NRDE2: variants seen among roughly 807,000 people sequenced by gnomAD.
The protein encoded by NRDE2 is NRDE-2, necessary for RNA interference, domain containing, also known as nuclear exosome regulator NRDE2.
In NRDE2, 76 loss-of-function variants were observed where a neutral mutation model predicts 124.2. The observed-to-expected ratio is 0.61, with a 90% CI of 0.51 to 0.74. The LOEUF (loss-of-function observed/expected upper bound fraction) is 0.74. NRDE2 is among the 30% of genes least tolerant of loss of function. The pLI is 0.00. For synonymous variants in NRDE2, 489 were observed against 528.1 expected (o/e 0.93, Z 1.01); for missense variants, 1,314 against 1,417.3 (o/e 0.93, Z 1.17).
At chr14:90,323,492 G>A (rs755129577) in intron 1 of NRDE2, among the ~76,000 whole-genome samples, 3 of 152,120 alleles carry the variant, frequency 2.0e-5, no homozygotes, top group Non-Finnish European at 2.9e-5. Flanking sequence ...TCCTGAGATG[G>A]TAATTCAAAA....
intron 6 of NRDE2, among the ~76,000 whole-genome samples, chr14:90,302,031 C>T (rs1884422883): frequency 6.6e-6 from 1 of 152,184 alleles, no homozygotes; most frequent in African/African-American, 2.4e-5. Context: ...CAAATAAATG[C>T]CTGCTCTGTG....
intron 3 of NRDE2, among the ~76,000 whole-genome samples, chr14:90,313,703 T>C (rs937025284): frequency 6.6e-6 from 1 of 152,180 alleles, no homozygotes. Flanking sequence ...GGTGACAAAG[T>C]AGTCAAAACA....
intron 12 of NRDE2, among the ~76,000 whole-genome samples, chr14:90,281,788 C>T (rs1356630438): frequency 6.6e-6 from 1 of 152,120 alleles, no homozygotes; most frequent in East Asian, 1.9e-4. Context: ...CCAACCTTGT[C>T]CAAACAAAAA....
chr14:90,320,206 G>A (rs919210962), intron 1 of NRDE2, among the ~76,000 whole-genome samples: 3 of 152,316 alleles, frequency 2.0e-5, no homozygotes, highest in Admixed American at 1.3e-4. Flanking sequence ...ACCCAAGACT[G>A]GGTAATTTAT....
Position 90,302,995 on chromosome 14 carries a change from C to A in NRDE2, c.1136G>T (p.Ser379Ile). Residue 379 changes from serine (S) to isoleucine (I), a missense_variant, in exon 6 of 14, where the codon AGC becomes ATC. Physicochemically the swap from Ser to Ile is moderately radical, Grantham distance 142. Transcript: ENST00000354366. The stretch of plus-strand genomic sequence containing the variant: ...CTTGGCCAGTTTCAGATCCACACTG[C>A]TCTGGTTGCTCTCAATGGCCCGCTC... ...ILERAIESNQSSVDLKLAKLK... is the reference protein window; with the variant it reads ...ILERAIESNQISVDLKLAKLK... The A allele has an allele frequency of 6.2e-7, 1 of 1,614,076 alleles. No individual in the cohort carries two copies. The highest frequency in any genetic ancestry group is 8.5e-7 in the Non-Finnish European group (1 of 1,180,044).
At chr14:90,317,833 GA>G (rs3215873) in intron 2 of NRDE2, 171 bp downstream of exon 2, 781 of 485,430 alleles carry the variant, frequency 1.6e-3, no homozygotes, top group South Asian at 2.9e-3. Flanking sequence ...GCAAAGCAAA[GA>G]AAAAAAAAAG....
At chr14:90,300,286 G>A (rs1884345464) in intron 7 of NRDE2, among the ~76,000 whole-genome samples, 1 of 152,090 alleles carries the variant, frequency 6.6e-6, no homozygotes, top group Admixed American at 6.5e-5. Flanking sequence ...TCTGTTATAT[G>A]GTTTATTAAT....
In NRDE2 at chr14:90,268,079, G is replaced by A; in HGVS notation, c.*10257C>T. 3 of 614,264 alleles carry A rather than the reference G, an allele frequency of 4.9e-6. No homozygotes were observed. Among genetic ancestry groups the A allele is most frequent in the Non-Finnish European group, 8.4e-6 (3 of 359,140 alleles). The allele number at this position is 614,264 out of a possible 1,614,324, so 38.1% of individuals were successfully genotyped here. A position where few individuals can be genotyped will look rare whatever the true frequency, so the allele number is the denominator to read the frequency against. ...TCTTATCTACTTAGGAGAATGGAATGTCGTGACACTTGAATTGGTGCCATG... is the reference window on the plus strand; with the variant it reads ...TCTTATCTACTTAGGAGAATGGAATATCGTGACACTTGAATTGGTGCCATG... On this transcript the variant is annotated 3_prime_UTR_variant, in exon 14 of 14. Transcript: ENST00000354366.
At position 90,271,444 on chromosome 14, in the gene NRDE2, T is replaced by C. The variant is rs144293259; in HGVS notation, c.*6892A>G. 244 of 152,348 alleles carry C rather than the reference T, an allele frequency of 1.6e-3. No homozygotes were observed. Among genetic ancestry groups the C allele is most frequent in the African/African-American group, 5.7e-3 (236 of 41,584 alleles). 9.4% of individuals were successfully genotyped at this position (152,348 alleles called of 1,614,324 possible). A position where few individuals can be genotyped will look rare whatever the true frequency, so the allele number is the denominator to read the frequency against. Reference sequence around the variant, plus strand: ...ACCCATGTAACATGGGTTATTGTTTTCTTTTACTTTGGGCCAGTAATTACT... The same window carrying C: ...ACCCATGTAACATGGGTTATTGTTTCCTTTTACTTTGGGCCAGTAATTACT... On this transcript the variant is annotated 3_prime_UTR_variant, in exon 14 of 14. Transcript: ENST00000354366.
chr14:90,286,104 C>CT (rs1892094650), intron 12 of NRDE2, among the ~76,000 whole-genome samples: 1 of 152,196 alleles, frequency 6.6e-6, no homozygotes, highest in Admixed American at 6.5e-5. Flanking sequence ...AGCCCAGTAA[C>CT]TACTCAACTT....
chr14:90,301,496 A>T (rs1029052153), intron 6 of NRDE2, 124 bp from the exon 7 acceptor site: 42 of 831,598 alleles, frequency 5.1e-5, no homozygotes, highest in Admixed American at 7.2e-5. Context: ...CTATTAATTT[A>T]CAAAGCTGTG....
At chr14:90,300,082 T>C (rs1338164835) in intron 7 of NRDE2, among the ~76,000 whole-genome samples, 1 of 152,160 alleles carries the variant, frequency 6.6e-6, no homozygotes, top group Non-Finnish European at 1.5e-5. Flanking sequence ...AGCAGTGGTC[T>C]TCGATGGGTC....
rs1197230065 is a variant in NRDE2, at chr14:90,271,203, T to G, written c.*7133A>C. ...AAAACTTTCTTTTCACCCGAACCAT[T>G]TGAAGTAAATAACCTGATGGCCATC... On this transcript the variant is annotated 3_prime_UTR_variant, in exon 14 of 14. Transcript: ENST00000354366. 2.0e-5 allele frequency: 3 copies of G among 152,200 alleles called. No homozygotes were observed. Among genetic ancestry groups the G allele is most frequent in the Non-Finnish European group, 4.4e-5 (3 of 68,038 alleles). The allele number at this position is 152,200 out of a possible 1,614,324, so 9.4% of individuals were successfully genotyped here.
intron 1 of NRDE2, among the ~76,000 whole-genome samples, chr14:90,319,359 A>G (rs1453290015): frequency 6.6e-6 from 1 of 152,198 alleles, no homozygotes; most frequent in Non-Finnish European, 1.5e-5. Context: ...CTCAGCCATT[A>G]GTCATGTACA....
chr14:90,321,550 A>T (rs1375049469), intron 1 of NRDE2, among the ~76,000 whole-genome samples: 1 of 126,476 alleles, frequency 7.9e-6, no homozygotes, highest in African/African-American at 3.0e-5. Flanking sequence ...CAGCTCTATT[A>T]AAAAAAAAAA....
chr14:90,284,087 G>A (rs1892031671), intron 12 of NRDE2, among the ~76,000 whole-genome samples: 1 of 152,056 alleles, frequency 6.6e-6, no homozygotes, highest in Non-Finnish European at 1.5e-5. Context: ...ATGAGCAGCT[G>A]TCCTGAGGTC....
chr14:90,314,563 T>G (rs1276544547), intron 3 of NRDE2, among the ~76,000 whole-genome samples: 2 of 152,230 alleles, frequency 1.3e-5, no homozygotes, highest in Non-Finnish European at 2.9e-5. Context: ...ATAGTTCCTG[T>G]GTGGTTTCAG....
chr14:90,290,093 A>C, intron 10 of NRDE2, 128 bp downstream of exon 10: 1 of 993,538 alleles, frequency 1.0e-6, no homozygotes, highest in Non-Finnish European at 1.5e-6. Flanking sequence ...AGGTGCCTTC[A>C]GGGTCACTGG....
chr14:90,309,465 T>C (rs2139698143), intron 4 of NRDE2, among the ~76,000 whole-genome samples: 1 of 90,548 alleles, frequency 1.1e-5, no homozygotes, highest in Non-Finnish European at 2.2e-5. Context: ...AGAGCAAGAC[T>C]CTGTCTCAAA....
Sources: gnomAD v4.1 joint callset for allele counts (sites outside exome capture counted in the v4.1 genomes callset) on GRCh38, gnomAD v4.1.1 for gene constraint, MANE v1.5 for transcripts, NCBI Gene and HGNC (gene_info 2026-07-23, HGNC 2026-07-21) for gene names.